Variants in EIF4G3 observed in about 807,000 individuals in gnomAD.
The protein encoded by EIF4G3 is eIF-4-gamma 3.
A neutral mutation model predicts 186.4 loss-of-function variants in EIF4G3; 34 were observed. That is an observed-to-expected ratio of 0.18 (90% confidence interval 0.14 to 0.24). The LOEUF is 0.24. Among genes scored for constraint, EIF4G3 ranks in the 10% least tolerant of loss-of-function variants. The pLI is 1.00. For synonymous variants in EIF4G3, 673 were observed against 679.5 expected (o/e 0.99, Z 0.15); for missense variants, 1,536 against 1,948.5 (o/e 0.79, Z 3.99).
At chr1:20,958,867 AG>A (rs1465772086) in intron 12 of EIF4G3, among the ~76,000 whole-genome samples, 1 of 152,210 alleles carries the variant, frequency 6.6e-6, no homozygotes, top group Non-Finnish European at 1.5e-5. Flanking sequence ...CTCTACAAGG[AG>A]AAATACAAAA....
chr1:20,815,493 A>G (rs1164285162), intron 34 of EIF4G3, among the ~76,000 whole-genome samples: 2 of 150,422 alleles, frequency 1.3e-5, no homozygotes, highest in Admixed American at 1.3e-4. Flanking sequence ...GGAGGTGAGG[A>G]GCGTCTCTGC....
At chr1:21,148,646 G>A (rs1034887523) in intron 2 of EIF4G3, among the ~76,000 whole-genome samples, 1 of 149,812 alleles carries the variant, frequency 6.7e-6, no homozygotes, top group Admixed American at 6.7e-5. Flanking sequence ...AGCTTGCAGT[G>A]AGCCGAGATC....
intron 4 of EIF4G3, among the ~76,000 whole-genome samples, chr1:21,043,922 C>T (rs1219173316): frequency 6.8e-6 from 1 of 147,608 alleles, no homozygotes; most frequent in East Asian, 2.0e-4. Context: ...AGAGATGAAA[C>T]ACCTATTAGA....
At chr1:21,018,449 A>G (rs1247935838) in intron 4 of EIF4G3, among the ~76,000 whole-genome samples, 1 of 151,632 alleles carries the variant, frequency 6.6e-6, no homozygotes, top group African/African-American at 2.4e-5. Context: ...AATCCCAGCT[A>G]CTCGGGAGGT....
chr1:21,074,104 T>C (rs776985656), intron 3 of EIF4G3, among the ~76,000 whole-genome samples: 1 of 152,246 alleles, frequency 6.6e-6, no homozygotes, highest in Admixed American at 6.5e-5. Context: ...CCAATCTTAA[T>C]AATTTTGCCT....
intron 2 of EIF4G3, among the ~76,000 whole-genome samples, chr1:21,131,670 A>G (rs138184201): frequency 1.6e-3 from 248 of 152,296 alleles, no homozygotes; most frequent in Non-Finnish European, 2.8e-3. Flanking sequence ...GTCAGAAAAC[A>G]ATGACATTTG....
chr1:21,170,991 TAA>T lies in EIF4G3; in HGVS notation c.-272+5182_-272+5183del, dbSNP rs5772940. Among the ~76,000 whole-genome samples, 355 of 148,614 alleles carry T rather than the reference TAA, an allele frequency of 2.4e-3. 1 individual carries two copies. The highest frequency in any genetic ancestry group is 6.9e-3 in the Middle Eastern group (2 of 288). Reference sequence around the variant, plus strand: ...CAAGTCCCTGTCTAAAAAAATAAATTAAAAAAAAAAAAAGTCGTAAAAACCAA... The same window carrying T: ...CAAGTCCCTGTCTAAAAAAATAAATTAAAAAAAAAAAGTCGTAAAAACCAA... On this transcript the variant is annotated intron_variant, in intron 2 of 36. Coordinates refer to ENST00000602326, the MANE Select transcript of EIF4G3 (RefSeq NM_001391906.1).
chr1:21,012,925 C>A (rs1359852607), intron 4 of EIF4G3, among the ~76,000 whole-genome samples: 1 of 152,118 alleles, frequency 6.6e-6, no homozygotes, highest in Non-Finnish European at 1.5e-5. Context: ...GGAAAACCCG[C>A]CTCCGAACAC....
intron 3 of EIF4G3, among the ~76,000 whole-genome samples, chr1:21,057,435 A>G (rs1330650071): frequency 6.6e-6 from 1 of 152,188 alleles, no homozygotes; most frequent in African/African-American, 2.4e-5. Flanking sequence ...CAAATATCCA[A>G]AACCGGCAAA....
intron 35 of EIF4G3, among the ~76,000 whole-genome samples, chr1:20,812,535 T>C (rs1421381709): frequency 6.6e-6 from 1 of 152,190 alleles, no homozygotes; most frequent in African/African-American, 2.4e-5. Context: ...TGAATTTTTT[T>C]TTCTCGCTTC....
rs142676596 is a variant in EIF4G3, at chr1:20,814,361, G to T, written c.4516-1122C>A. ...TTGCCAGTTCTATGTGCAAATATTT[G>T]AATTAGCAGTATTTACTTTTCAGGG... On this transcript the variant is annotated intron_variant, in intron 34 of 36. Coordinates refer to ENST00000602326, the MANE Select transcript of EIF4G3 (RefSeq NM_001391906.1). 5.8e-4 allele frequency among the ~76,000 whole-genome samples: 89 copies of T among 152,236 alleles called. 1 individual carries two copies. The highest frequency in any genetic ancestry group is 2.1e-3 in the African/African-American group (89 of 41,544).
chr1:20,842,752 T>C (rs919510215), intron 29 of EIF4G3, among the ~76,000 whole-genome samples: 1 of 152,232 alleles, frequency 6.6e-6, no homozygotes, highest in Admixed American at 6.5e-5. Context: ...TCTTAGTTTG[T>C]TAAATAAATT....
intron 4 of EIF4G3, among the ~76,000 whole-genome samples, chr1:21,015,517 T>TAC (rs1216982024): frequency 1.3e-5 from 2 of 152,088 alleles, no homozygotes; most frequent in Non-Finnish European, 2.9e-5. Context: ...TGGCTCATGC[T>TAC]TGTAATTGCA....
At chr1:21,019,749 T>C (rs2090198931) in intron 4 of EIF4G3, among the ~76,000 whole-genome samples, 3 of 152,134 alleles carry the variant, frequency 2.0e-5, no homozygotes, top group African/African-American at 7.2e-5. Flanking sequence ...CTGGGCGTGG[T>C]GGCACATGCC....
At chr1:20,919,281 A>C (rs1388669010) in intron 14 of EIF4G3, among the ~76,000 whole-genome samples, 2 of 152,160 alleles carry the variant, frequency 1.3e-5, no homozygotes, top group Admixed American at 1.3e-4. Flanking sequence ...CAATCACGGC[A>C]GACTGCAGCT....
chr1:21,035,414 C>G (rs1021278076), intron 4 of EIF4G3, among the ~76,000 whole-genome samples: 2 of 152,154 alleles, frequency 1.3e-5, no homozygotes, highest in Non-Finnish European at 2.9e-5. Flanking sequence ...TGGGCCCAGG[C>G]CTCTCAATGC....
intron 2 of EIF4G3, among the ~76,000 whole-genome samples, chr1:21,139,117 T>C (rs1368685237): frequency 6.6e-6 from 1 of 152,202 alleles, no homozygotes; most frequent in Non-Finnish European, 1.5e-5. Context: ...AGATGTCAAG[T>C]ACAACATGCT....
chr1:21,102,297 AAAAATTATTTAT>A (rs1370486605), intron 2 of EIF4G3, among the ~76,000 whole-genome samples: 1 of 152,216 alleles, frequency 6.6e-6, no homozygotes, highest in Non-Finnish European at 1.5e-5. Flanking sequence ...TTAAAAATAC[AAAAATTATTTAT>A]AAAAACAGGT....
At chr1:20,916,830 T>C (rs369977218) in intron 14 of EIF4G3, among the ~76,000 whole-genome samples, 3 of 152,186 alleles carry the variant, frequency 2.0e-5, no homozygotes, top group Admixed American at 6.5e-5. Context: ...AACGTATTTA[T>C]AGAAGTGGTA....
Sources: gnomAD v4.1 joint callset for allele counts (sites outside exome capture counted in the v4.1 genomes callset) on GRCh38, gnomAD v4.1.1 for gene constraint, MANE v1.5 for transcripts, NCBI Gene and HGNC (gene_info 2026-07-23, HGNC 2026-07-21) for gene names.